The following AGBL4 variants were observed in gnomAD, a reference collection of about 807,000 sequenced individuals.
AGBL4 encodes AGBL carboxypeptidase 4.
AGBL4 carries 58 observed loss-of-function variants against 66.4 expected under a neutral mutation model. The observed-to-expected ratio is 0.87, with a 90% CI of 0.71 to 1.09. The LOEUF (loss-of-function observed/expected upper bound fraction) is 1.09. Ranked by LOEUF, AGBL4 falls within the 50% of genes least tolerant of loss-of-function variation. The pLI is 0.00. For synonymous variants in AGBL4, 234 were observed against 222.9 expected (o/e 1.05, Z -0.44); for missense variants, 579 against 631.0 (o/e 0.92, Z 0.88).
chr1:49,927,203 C>G (rs1652864109), intron 1 of AGBL4, among the ~76,000 whole-genome samples: 1 of 152,188 alleles, frequency 6.6e-6, no homozygotes, highest in South Asian at 2.1e-4. Flanking sequence ...CTCACAGACA[C>G]ACCCAGGATC....
chr1:49,486,288 C>A (rs965551508), intron 3 of AGBL4, among the ~76,000 whole-genome samples: 11 of 151,994 alleles, frequency 7.2e-5, no homozygotes, highest in African/African-American at 2.4e-4. Context: ...AGAAAGATGT[C>A]ATCATATGTA....
At chr1:48,634,745 T>C in intron 8 of AGBL4, 141 bp from the exon 9 acceptor site, 1 of 568,974 alleles carries the variant, frequency 1.8e-6, no homozygotes, top group African/African-American at 1.9e-5. Context: ...CTAAGTACTT[T>C]ATATGAGTTA....
intron 4 of AGBL4, among the ~76,000 whole-genome samples, chr1:49,205,516 G>C (rs189844699): frequency 2.0e-5 from 3 of 152,040 alleles, no homozygotes; most frequent in African/African-American, 7.2e-5. Context: ...TGGACCCTGG[G>C]TTGGTCTCAC....
At chr1:49,921,780 G>A (rs1652280357) in intron 1 of AGBL4, among the ~76,000 whole-genome samples, 1 of 152,206 alleles carries the variant, frequency 6.6e-6, no homozygotes, top group Non-Finnish European at 1.5e-5. Context: ...GACTAAGCAA[G>A]CCAGCATATC....
chr1:48,649,992 C>T (rs1246713182), intron 8 of AGBL4, among the ~76,000 whole-genome samples: 22 of 152,206 alleles, frequency 1.4e-4, no homozygotes, highest in Admixed American at 1.4e-3. Context: ...TCTGACCTGA[C>T]ACCCAAGTCC....
intron 5 of AGBL4, among the ~76,000 whole-genome samples, chr1:48,927,346 G>A (rs1239132992): frequency 2.6e-5 from 4 of 152,216 alleles, no homozygotes; most frequent in East Asian, 3.9e-4. Context: ...GGGTAACTCC[G>A]CTTTATAAAA....
At chr1:48,867,101 G>A (rs12745532) in intron 6 of AGBL4, 90 bp downstream of exon 6, 17 of 1,437,666 alleles carry the variant, frequency 1.2e-5, no homozygotes, top group Non-Finnish European at 3.9e-6. Context: ...GGAGCCAAAA[G>A]AGAAGGGCAA....
At chr1:49,192,066 T>A (rs114598871) in intron 4 of AGBL4, among the ~76,000 whole-genome samples, 1 of 152,242 alleles carries the variant, frequency 6.6e-6, no homozygotes, top group Non-Finnish European at 1.5e-5. Context: ...TAATTTACAT[T>A]CCTACCAACA....
chr1:49,356,336 C>T (rs1335106012), intron 3 of AGBL4, among the ~76,000 whole-genome samples: 2 of 152,192 alleles, frequency 1.3e-5, no homozygotes, highest in African/African-American at 2.4e-5. Context: ...AAACGACAGA[C>T]ACAGACACCT....
intron 12 of AGBL4, among the ~76,000 whole-genome samples, chr1:48,539,437 T>G (rs1644025881): frequency 6.6e-6 from 1 of 151,900 alleles, no homozygotes; most frequent in African/African-American, 2.4e-5. Flanking sequence ...GACCATGCCC[T>G]CACTGTCTGA....
chr1:48,971,179 C>T (rs148875123), intron 5 of AGBL4, among the ~76,000 whole-genome samples: 264 of 152,254 alleles, frequency 1.7e-3, no homozygotes, highest in Non-Finnish European at 2.7e-3. Context: ...AGGAGGTGAG[C>T]AGTGGGCAAG....
chr1:49,677,873 C>T (rs941388692), intron 3 of AGBL4, among the ~76,000 whole-genome samples: 2 of 152,148 alleles, frequency 1.3e-5, no homozygotes, highest in African/African-American at 4.8e-5. Context: ...CAGGAAGTGA[C>T]TCCTTATCAG....
intron 3 of AGBL4, among the ~76,000 whole-genome samples, chr1:49,675,881 T>C (rs931235941): frequency 3.9e-5 from 6 of 152,096 alleles, no homozygotes; most frequent in African/African-American, 1.4e-4. Flanking sequence ...AGGAAGGCAG[T>C]GATTTGCACA....
chr1:49,836,908 G>C (rs1645865634), intron 2 of AGBL4, among the ~76,000 whole-genome samples: 1 of 152,152 alleles, frequency 6.6e-6, no homozygotes, highest in Admixed American at 6.5e-5. Flanking sequence ...ACCAGCGGAG[G>C]CTGCAGAACA....
chr1:49,382,949 G>A (rs1480735684), intron 3 of AGBL4, among the ~76,000 whole-genome samples: 1 of 152,066 alleles, frequency 6.6e-6, no homozygotes, highest in African/African-American at 2.4e-5. Context: ...AATCCAGCCT[G>A]GACAACATAG....
chr1:49,027,112 A>G (rs986739188), intron 5 of AGBL4, among the ~76,000 whole-genome samples: 2 of 152,154 alleles, frequency 1.3e-5, no homozygotes, highest in African/African-American at 4.8e-5. Context: ...ATGGTGGTAG[A>G]AGGAGCACAG....
intron 3 of AGBL4, among the ~76,000 whole-genome samples, chr1:49,582,884 C>A (rs1180279006): frequency 6.6e-6 from 1 of 152,158 alleles, no homozygotes. Context: ...AAAACCAGAT[C>A]TATGCTCTTG....
At chr1:49,988,077 T>C (rs1243339548) in intron 1 of AGBL4, among the ~76,000 whole-genome samples, 2 of 152,084 alleles carry the variant, frequency 1.3e-5, no homozygotes, top group Admixed American at 6.5e-5. Context: ...TCCTTTGCTA[T>C]ATGCATATTT....
chr1:49,663,528 C>T (rs752565145), intron 3 of AGBL4, among the ~76,000 whole-genome samples: 7 of 152,044 alleles, frequency 4.6e-5, no homozygotes, highest in Non-Finnish European at 8.8e-5. Flanking sequence ...GGATAACCAC[C>T]AGCCAACCAG....
Sources: allele counts gnomAD v4.1 joint callset (sites outside exome capture counted in the v4.1 genomes callset), GRCh38; gene constraint gnomAD v4.1.1; transcripts MANE v1.5; gene names NCBI Gene and HGNC (gene_info 2026-07-23, HGNC 2026-07-21).